The following CADM3 variants were observed in gnomAD, a reference collection of about 807,000 sequenced individuals.
The protein encoded by CADM3 is TSLC1-like 1.
CADM3 carries 11 observed loss-of-function variants against 44.9 expected under a neutral mutation model. That is an observed-to-expected ratio of 0.25 (90% CI 0.15 to 0.41). CADM3 has a LOEUF of 0.41. Ranked by LOEUF, CADM3 falls within the 10% of genes least tolerant of loss-of-function variation. The probability of loss-of-function intolerance (pLI) is 1.00; values close to 1 mark genes in which losing one functional copy is unlikely to be tolerated. For missense variants in CADM3, 426 were observed against 512.0 expected (o/e 0.83, Z 1.62); for synonymous variants, 207 against 205.2 (o/e 1.01, Z -0.08).
chr1:159,195,212 G>A (rs1649839905), intron 5 of CADM3: 1 of 152,272 alleles, frequency 6.6e-6, no homozygotes, highest in Non-Finnish European at 1.5e-5. Context: ...CCGCTTACTA[G>A]CTGTGCTCCT....
Position 159,196,367 on chromosome 1 carries a change from C to T in CADM3, c.695C>T (p.Thr232Ile). ...STSQRIEVLY[T>I]PTAMIRPDPP... ...GATACCATTTCCTTCTCCACAGACA[C>T]ACCAACTGCGATGATTAGGCCAGAC... The change falls in exon 6 of 9, where the codon ACA becomes ATA. Residue 232 changes from threonine (T) to isoleucine (I), a missense_variant. Physicochemically the swap from Thr to Ile is moderately conservative, Grantham distance 89. Transcript: ENST00000368125. 6.2e-7 allele frequency: 1 copy of T among 1,613,954 alleles called. No homozygotes were observed. Among genetic ancestry groups the T allele is most frequent in the Non-Finnish European group, 8.5e-7 (1 of 1,179,842 alleles).
In CADM3 at chr1:159,173,327, G is replaced by A. The variant is rs538275140; in HGVS notation, c.88+1474G>A. The stretch of plus-strand genomic sequence containing the variant: ...GAGCCAGGGTGCTGGAGGAATAATC[G>A]CTCCACCTCGCCTGACCTCCCCCAT... On this transcript the variant is annotated intron_variant, in intron 1 of 8. Transcript: ENST00000368125. Among the ~76,000 whole-genome samples, 36 of 152,078 alleles carry A rather than the reference G, an allele frequency of 2.4e-4. 1 individual carries two copies. In the Middle Eastern group the frequency reaches 0.01, roughly 43 times the overall value.
chr1:159,201,104 G>T lies in CADM3; in HGVS notation c.*182G>T, dbSNP rs1650179125. 5.6e-6 allele frequency: 2 copies of T among 357,950 alleles called. No individual in the cohort carries two copies. Among genetic ancestry groups the T allele is most frequent in the South Asian group, 9.4e-5 (1 of 10,644 alleles). 22.2% of individuals were successfully genotyped at this position (357,950 alleles called of 1,614,324 possible). On this transcript the variant is annotated 3_prime_UTR_variant, in exon 9 of 9. Transcript: ENST00000368125. Reference sequence around the variant, plus strand: ...TTTTGTACTCGGTTTGGAATGGGGAGGGAGGAGGGCGGGGGGAGGGGAGGG... The same window carrying T: ...TTTTGTACTCGGTTTGGAATGGGGATGGAGGAGGGCGGGGGGAGGGGAGGG...
intron 1 of CADM3, among the ~76,000 whole-genome samples, chr1:159,178,778 G>C (rs34060838): frequency 6.6e-6 from 1 of 152,136 alleles, no homozygotes; most frequent in South Asian, 2.1e-4. Flanking sequence ...TGCTCAGCCC[G>C]TCAGTCTTAG....
intron 7 of CADM3, 163 bp downstream of exon 7, chr1:159,197,223 A>C: frequency 1.6e-6 from 1 of 638,746 alleles, no homozygotes; most frequent in South Asian, 2.1e-5. Flanking sequence ...TCCCAGGTCC[A>C]CTCTAGAATG....
At position 159,200,971 on chromosome 1, in the gene CADM3, T is replaced by C. The variant is rs748801768; in HGVS notation, c.*49T>C. The C allele has an allele frequency of 1.4e-6, 2 of 1,415,002 alleles. No homozygotes were observed. Among genetic ancestry groups the C allele is most frequent in the Non-Finnish European group, 1.9e-6 (2 of 1,040,086 alleles). 87.7% of individuals were successfully genotyped at this position (1,415,002 alleles called of 1,614,324 possible). On this transcript the variant is annotated 3_prime_UTR_variant, in exon 9 of 9. Coordinates refer to ENST00000368125, the MANE Select transcript of CADM3 (RefSeq NM_001127173.3). ...CCCCCAGGGGCCCTGTGGGGACTGC[T>C]GGGGCCGTCACCAACCCGGACTTGT... is the stretch of plus-strand genomic sequence containing the variant.
chr1:159,176,352 T>C (rs1172518617), intron 1 of CADM3, among the ~76,000 whole-genome samples: 1 of 152,164 alleles, frequency 6.6e-6, no homozygotes, highest in East Asian at 1.9e-4. Context: ...CTGTATGGGG[T>C]CTTGTTTTAG....
At position 159,189,868 on chromosome 1, in the gene CADM3, T is replaced by C. The variant is rs749069974; in HGVS notation, c.89-2068T>C. ...GGAGCAGCCCTGACATGCTGGCCAG[T>C]CAAGGTGAGAATCCAGGCCCCCTCA... On this transcript the variant is annotated intron_variant, in intron 1 of 8. Transcript: ENST00000368125. The C allele has an allele frequency of 7.5e-6, 12 of 1,597,666 alleles. No individual in the cohort carries two copies. In the East Asian group the frequency reaches 2.7e-4, roughly 36 times the overall value.
chr1:159,189,815 C>A (rs1212571672), intron 1 of CADM3: 1 of 1,607,748 alleles, frequency 6.2e-7, no homozygotes, highest in East Asian at 2.2e-5. Context: ...TCTGGCTCCA[C>A]TCGACGAGGC....
chr1:159,172,731 C>T (rs1340922666), intron 1 of CADM3, among the ~76,000 whole-genome samples: 1 of 152,072 alleles, frequency 6.6e-6, no homozygotes, highest in African/African-American at 2.4e-5. Context: ...TTCGCTGGTT[C>T]CTAATGGTAG....
At chr1:159,181,009 T>C (rs751000757) in intron 1 of CADM3, among the ~76,000 whole-genome samples, 72 of 149,818 alleles carry the variant, frequency 4.8e-4, no homozygotes, top group East Asian at 2.1e-4. Context: ...GAGCAAGTTG[T>C]TGGAACCTGG....
At chr1:159,179,030 T>C (rs1649132156) in intron 1 of CADM3, among the ~76,000 whole-genome samples, 1 of 152,174 alleles carries the variant, frequency 6.6e-6, no homozygotes, top group South Asian at 2.1e-4. Flanking sequence ...ATGAGAGTGA[T>C]TTATCTCTAT....
At chr1:159,177,803 T>A (rs902383914) in intron 1 of CADM3, among the ~76,000 whole-genome samples, 1 of 152,224 alleles carries the variant, frequency 6.6e-6, no homozygotes, top group African/African-American at 2.4e-5. Context: ...TACAGTGACC[T>A]CAAATGGCCT....
At chr1:159,179,488 G>T (rs1476196956) in intron 1 of CADM3, among the ~76,000 whole-genome samples, 1 of 152,176 alleles carries the variant, frequency 6.6e-6, no homozygotes, top group Non-Finnish European at 1.5e-5. Flanking sequence ...AATGAAGGCT[G>T]ATGTCTCAGG....
intron 1 of CADM3, among the ~76,000 whole-genome samples, chr1:159,188,360 AT>A (rs888889866): frequency 4.3e-5 from 6 of 138,884 alleles, no homozygotes; most frequent in African/African-American, 1.6e-4. Context: ...TTTGCTTCTG[AT>A]TAGGCAATTC....
chr1:159,199,359 A>G (rs1207643134), intron 7 of CADM3, among the ~76,000 whole-genome samples: 2 of 150,008 alleles, frequency 1.3e-5, no homozygotes, highest in African/African-American at 4.9e-5. Flanking sequence ...GAAAGAAGGA[A>G]GAGAGGCAGG....
At position 159,191,864 on chromosome 1, in the gene CADM3, G is replaced by T. The variant is rs186780538; in HGVS notation, c.89-72G>T. ...CCTTGGATGGTCTGAACTAGATGAGGTGTACTTTGGCTCAGAAATGGGAGG... is the reference window on the plus strand; with the variant it reads ...CCTTGGATGGTCTGAACTAGATGAGTTGTACTTTGGCTCAGAAATGGGAGG... On this transcript the variant is annotated intron_variant, in intron 1 of 8. Transcript: ENST00000368125. 409 of 1,578,638 alleles carry T rather than the reference G, an allele frequency of 2.6e-4. 5 individuals are homozygous for T. The East Asian group carries it at 5.0e-3, about 19-fold the overall frequency.
At chr1:159,190,518 C>A (rs1481755731) in intron 1 of CADM3, among the ~76,000 whole-genome samples, 1 of 152,118 alleles carries the variant, frequency 6.6e-6, no homozygotes, top group East Asian at 1.9e-4. Flanking sequence ...TTCCATGATC[C>A]CAAAGATCTC....
chr1:159,197,111 T>G, intron 7 of CADM3, 51 bp downstream of exon 7: 1 of 1,567,802 alleles, frequency 6.4e-7, no homozygotes, highest in South Asian at 1.1e-5. Context: ...TCTGTCCATC[T>G]TATTCCCTTT....
Sources: gnomAD v4.1 joint callset for allele counts (sites outside exome capture counted in the v4.1 genomes callset) on GRCh38, gnomAD v4.1.1 for gene constraint, MANE v1.5 for transcripts, NCBI Gene and HGNC (gene_info 2026-07-23, HGNC 2026-07-21) for gene names.